The following SOX6 variants were observed in gnomAD, a reference collection of about 807,000 sequenced individuals.
The protein encoded by SOX6 is transcription factor SOX-6.
SOX6 carries 11 observed loss-of-function variants against 97.8 expected under a neutral mutation model. The observed-to-expected ratio is 0.11, with a 90% CI of 0.07 to 0.19. The LOEUF (loss-of-function observed/expected upper bound fraction) is 0.19, where lower values mean the gene tolerates loss of function less well. Among genes scored for constraint, SOX6 ranks in the 10% least tolerant of loss-of-function variants. SOX6 has a pLI of 1.00. For synonymous variants in SOX6, 360 were observed against 371.4 expected (o/e 0.97, Z 0.35); for missense variants, 810 against 1,039.5 (o/e 0.78, Z 3.04).
intron 10 of SOX6, among the ~76,000 whole-genome samples, chr11:16,052,726 T>C (rs1847716432): frequency 6.6e-6 from 1 of 152,284 alleles, no homozygotes; most frequent in South Asian, 2.1e-4. Context: ...AACTTTATTC[T>C]GAGACACAGA....
intron 4 of SOX6, among the ~76,000 whole-genome samples, chr11:16,503,229 A>G (rs909572268): frequency 3.9e-5 from 6 of 152,018 alleles, no homozygotes; most frequent in Non-Finnish European, 7.4e-5. Flanking sequence ...TACCCCTGGA[A>G]GTGATAAGAC....
At chr11:16,542,867 G>T (rs1861428737) in intron 4 of SOX6, among the ~76,000 whole-genome samples, 1 of 152,094 alleles carries the variant, frequency 6.6e-6, no homozygotes, top group Non-Finnish European at 1.5e-5. Flanking sequence ...TCAATGCAGT[G>T]GGTTGTTTTC....
chr11:16,406,484 C>T (rs567661240), intron 1 of SOX6, among the ~76,000 whole-genome samples: 77 of 152,192 alleles, frequency 5.1e-4, no homozygotes, highest in African/African-American at 1.8e-3. Flanking sequence ...CAACTCTGCT[C>T]CATATGTCTC....
At chr11:16,012,267 T>G (rs1590128934) in intron 13 of SOX6, among the ~76,000 whole-genome samples, 1 of 152,068 alleles carries the variant, frequency 6.6e-6, no homozygotes, top group East Asian at 1.9e-4. Context: ...GAAGTGTAAC[T>G]CCAGCAGACT....
At chr11:16,661,109 C>T (rs997720330) in intron 3 of SOX6, among the ~76,000 whole-genome samples, 10 of 152,154 alleles carry the variant, frequency 6.6e-5, no homozygotes, top group African/African-American at 2.4e-4. Flanking sequence ...TCAGTTTTTA[C>T]CTAATGCAAT....
intron 3 of SOX6, among the ~76,000 whole-genome samples, chr11:16,682,784 G>C (rs1847938112): frequency 1.3e-5 from 2 of 152,178 alleles, no homozygotes; most frequent in South Asian, 2.1e-4. Context: ...ATTAGGAAAA[G>C]AGGAAGTCAA....
chr11:16,038,447 G>C (rs999183040), intron 12 of SOX6, among the ~76,000 whole-genome samples: 1 of 152,004 alleles, frequency 6.6e-6, no homozygotes, highest in Non-Finnish European at 1.5e-5. Context: ...AAGAAGGGAA[G>C]GTGGAAAGGT....
rs753249265 is a variant in SOX6 at position 16,613,991 on chromosome 11, G to T, written n.430-1731C>A. Reference sequence around the variant, plus strand: ...ACGCTAGGCGCCGTCTGCCCTCAGAGACTCGGGCTGACAGGAGTGAGAGCT... The same window carrying T: ...ACGCTAGGCGCCGTCTGCCCTCAGATACTCGGGCTGACAGGAGTGAGAGCT... On this transcript the variant is annotated intron_variant and non_coding_transcript_variant, in intron 3 of 5. Coordinates refer to the SOX6 transcript ENST00000524520. This position sits in a 1 kb window ranked among gnomAD's most constrained non-coding sequence, Gnocchi z 4.6. Among the ~76,000 whole-genome samples the T allele has an allele frequency of 6.6e-6, 1 of 152,176 alleles. No individual in the cohort carries two copies. Among genetic ancestry groups the T allele is most frequent in the Non-Finnish European group, 1.5e-5 (1 of 68,030 alleles).
At chr11:16,701,839 A>T (rs901045500) in intron 3 of SOX6, among the ~76,000 whole-genome samples, 5 of 151,664 alleles carry the variant, frequency 3.3e-5, no homozygotes, top group Non-Finnish European at 5.9e-5. Context: ...GCTTGCAGTG[A>T]GCCGAAATTG....
chr11:16,700,529 G>A (rs896963399), intron 3 of SOX6, among the ~76,000 whole-genome samples: 6 of 152,140 alleles, frequency 3.9e-5, no homozygotes, highest in Non-Finnish European at 5.9e-5. Context: ...GACTGACCCC[G>A]TGGACTGCAT....
intron 3 of SOX6, chr11:16,314,609 A>C (rs1277089501): frequency 6.6e-6 from 1 of 152,218 alleles, no homozygotes; most frequent in African/African-American, 2.4e-5. Context: ...ACTCCAGCAG[A>C]CATAGATAGA....
intron 4 of SOX6, among the ~76,000 whole-genome samples, chr11:16,597,088 T>C (rs1848220239): frequency 6.6e-6 from 1 of 152,128 alleles, no homozygotes; most frequent in African/African-American, 2.4e-5. Flanking sequence ...TTGATTCACA[T>C]CAAGTAGAAA....
chr11:16,722,224 A>G (rs995045420), intron 2 of SOX6, among the ~76,000 whole-genome samples: 2 of 152,244 alleles, frequency 1.3e-5, no homozygotes, highest in African/African-American at 4.8e-5. Context: ...TATCAATAGA[A>G]TAAGTAGACA....
At chr11:16,631,356 C>A (rs1292578607) in intron 3 of SOX6, among the ~76,000 whole-genome samples, 1 of 152,162 alleles carries the variant, frequency 6.6e-6, no homozygotes, top group Non-Finnish European at 1.5e-5. Flanking sequence ...CCTACTTTGA[C>A]AGGACATGAA....
intron 3 of SOX6, among the ~76,000 whole-genome samples, chr11:16,284,425 AAAG>A (rs1209991972): frequency 2.0e-5 from 3 of 152,144 alleles, no homozygotes; most frequent in Admixed American, 2.0e-4. Flanking sequence ...TACACACTTC[AAAG>A]AAGATGTTTT....
chr11:16,299,045 T>A (rs1295519790), intron 3 of SOX6, among the ~76,000 whole-genome samples: 1 of 152,180 alleles, frequency 6.6e-6, no homozygotes, highest in East Asian at 1.9e-4. Context: ...CTTATTTAGT[T>A]AAATTACTTT....
In SOX6 at chr11:16,507,789, T is replaced by C. The variant is rs1387439221; in HGVS notation, n.610-31401A>G. On this transcript the variant is annotated intron_variant and non_coding_transcript_variant, in intron 4 of 5. Coordinates refer to the SOX6 transcript ENST00000524520. ...AAACATAGACCTGAAACTATAAAAC[T>C]ACTAGGAGAAATACTTCAAGACATA... Among the ~76,000 whole-genome samples the C allele has an allele frequency of 2.6e-5, 4 of 152,028 alleles. No homozygotes were observed. In the South Asian group the frequency reaches 8.3e-4, roughly 31 times the overall value.
At chr11:16,004,516 T>G (rs193229358) in intron 13 of SOX6, among the ~76,000 whole-genome samples, 1 of 151,894 alleles carries the variant, frequency 6.6e-6, no homozygotes, top group East Asian at 1.9e-4. Flanking sequence ...AAGGTTAGGG[T>G]TGAGGAATGA....
intron 4 of SOX6, among the ~76,000 whole-genome samples, chr11:16,541,416 G>A (rs1861406614): frequency 6.6e-6 from 1 of 152,092 alleles, no homozygotes; most frequent in Non-Finnish European, 1.5e-5. Context: ...GCATGGGCAA[G>A]GACTTCATGA....
Sources: allele counts gnomAD v4.1 joint callset (sites outside exome capture counted in the v4.1 genomes callset), GRCh38; gene constraint gnomAD v4.1.1; non-coding constraint Gnocchi (gnomAD v3.1); transcripts MANE v1.5; gene names NCBI Gene and HGNC (gene_info 2026-07-23, HGNC 2026-07-21).